LONRF1: variants seen among roughly 807,000 people sequenced by gnomAD.
LONRF1 encodes the protein LON peptidase N-terminal domain and RING finger protein 1.
In LONRF1, 37 loss-of-function variants were observed where a neutral mutation model predicts 85.8. The observed-to-expected ratio is 0.43, with a 90% CI of 0.33 to 0.57. The LOEUF (loss-of-function observed/expected upper bound fraction) is 0.57. Ranked by LOEUF, LONRF1 falls within the 20% of genes least tolerant of loss-of-function variation. The pLI is 0.04. For missense variants in LONRF1, 1,036 were observed against 978.0 expected, an observed-to-expected ratio of 1.06 and a Z score of -0.79; for synonymous variants, 517 against 390.1, an observed-to-expected ratio of 1.33 and a Z score of -3.83.
chr8:12,742,372 G>T (rs1405519357), intron 2 of LONRF1, among the ~76,000 whole-genome samples: 1 of 152,150 alleles, frequency 6.6e-6, no homozygotes, highest in Non-Finnish European at 1.5e-5. Context: ...TGATAAAAAG[G>T]AGAATCTGTA....
In LONRF1 at chr8:12,755,157, G is replaced by A. The variant is rs369543401; in HGVS notation, c.264C>T (p.Ala88=). Reference sequence around the variant, plus strand: ...AGTTGAACACCAGGCAGTCCACCAGGGCGCCCAGGCACTCGGGCCTGGCCG... The same window carrying A: ...AGTTGAACACCAGGCAGTCCACCAGAGCGCCCAGGCACTCGGGCCTGGCCG... ...GAPARPECLG[A]LVDCLVFNYR... The change falls in exon 1 of 12, where the codon GCC becomes GCT. Residue 88 remains alanine (A), a synonymous_variant. Transcript: ENST00000398246. The A allele has an allele frequency of 4.4e-3, 6,186 of 1,421,624 alleles. 130 individuals carry two copies. In the South Asian group the frequency reaches 0.048, roughly 11 times the overall value. 88.1% of individuals were successfully genotyped at this position (1,421,624 alleles called of 1,614,324 possible).
rs1201959724 is a variant in LONRF1 at position 12,735,433 on chromosome 8, C to T, written c.1452-33G>A. On this transcript the variant is annotated intron_variant, in intron 6 of 11. Coordinates refer to ENST00000398246, the MANE Select transcript of LONRF1 (RefSeq NM_152271.5). ...CAACCAAGATACATGTTAGTTTTCA[C>T]ATTAAACTATCCACTGAAAAGCTTG... 4 of 1,344,056 alleles carry T rather than the reference C, an allele frequency of 3.0e-6. No individual in the cohort carries two copies. The South Asian group carries it at 3.7e-5, about 12-fold the overall frequency. The allele number at this position is 1,344,056 out of a possible 1,614,324, so 83.3% of individuals were successfully genotyped here.
intron 8 of LONRF1, among the ~76,000 whole-genome samples, chr8:12,730,349 C>A (rs896451864): frequency 1.3e-5 from 2 of 152,070 alleles, no homozygotes; most frequent in Non-Finnish European, 2.9e-5. Context: ...TGCCAAAATG[C>A]CAATAGTTGA....
In LONRF1 at chr8:12,734,321, G is replaced by A. The variant is rs1798638841; in HGVS notation, c.1566+965C>T. On this transcript the variant is annotated intron_variant, in intron 7 of 11. Transcript: ENST00000398246. ...AATGTAATAACAGACATGCTATTAT[G>A]ACATCCGTACTGAGTTGTTTTCTAT... is the stretch of plus-strand genomic sequence containing the variant. Among the ~76,000 whole-genome samples the A allele has an allele frequency of 7.9e-5, 12 of 152,244 alleles. No individual in the cohort carries two copies. In the South Asian group the frequency reaches 2.3e-3, roughly 29 times the overall value.
intron 11 of LONRF1, among the ~76,000 whole-genome samples, chr8:12,723,615 A>C (rs922399299): frequency 6.6e-6 from 1 of 152,218 alleles, no homozygotes; most frequent in Non-Finnish European, 1.5e-5. Context: ...TATGCACTAG[A>C]GCACATTCAG....
At chr8:12,751,150 C>G (rs561020841) in intron 1 of LONRF1, among the ~76,000 whole-genome samples, 1 of 152,236 alleles carries the variant, frequency 6.6e-6, no homozygotes, top group Admixed American at 6.5e-5. Flanking sequence ...CTAAGCCACA[C>G]TGCATGTCTA....
At chr8:12,730,621 T>A (rs1798492330) in intron 8 of LONRF1, among the ~76,000 whole-genome samples, 1 of 152,226 alleles carries the variant, frequency 6.6e-6, no homozygotes, top group African/African-American at 2.4e-5. Context: ...TCACCATGTT[T>A]AAATTTTCAA....
chr8:12,735,619 C>A, intron 6 of LONRF1: 1 of 515,532 alleles, frequency 1.9e-6, no homozygotes, highest in Non-Finnish European at 3.5e-6. Flanking sequence ...GGCCTAGAGC[C>A]AAGGGCCTAG....
chr8:12,746,841 G>C (rs897930534), intron 1 of LONRF1, among the ~76,000 whole-genome samples: 3 of 152,084 alleles, frequency 2.0e-5, no homozygotes, highest in African/African-American at 7.2e-5. Flanking sequence ...TTACCTCCAT[G>C]CTATTAATAT....
intron 1 of LONRF1, among the ~76,000 whole-genome samples, chr8:12,746,210 G>C (rs939599048): frequency 6.6e-6 from 1 of 152,020 alleles, no homozygotes; most frequent in Non-Finnish European, 1.5e-5. Context: ...CCTGCCTTCA[G>C]TTCTACTCTA....
intron 1 of LONRF1, 42 bp downstream of exon 1, chr8:12,754,657 AG>A: frequency 1.0e-5 from 13 of 1,293,692 alleles, no homozygotes; most frequent in Non-Finnish European, 1.3e-5. Flanking sequence ...CGGGGCCAGG[AG>A]GGTGCGGTCG....
Position 12,722,466 on chromosome 8 carries a change from A to C in LONRF1, c.*630T>G, listed in dbSNP as rs985593043. On this transcript the variant is annotated 3_prime_UTR_variant, in exon 12 of 12. Coordinates refer to ENST00000398246, the MANE Select transcript of LONRF1 (RefSeq NM_152271.5). ...GTTCTGCATCCAATGCCTGTCGGCC[A>C]CTGTGATGCAAGTATTTACATAAAT... 6.5e-6 allele frequency: 1 copy of C among 152,682 alleles called. No individual in the cohort carries two copies. Among genetic ancestry groups the C allele is most frequent in the Non-Finnish European group, 1.5e-5 (1 of 68,056 alleles). 9.5% of individuals were successfully genotyped at this position (152,682 alleles called of 1,614,324 possible).
chr8:12,746,146 G>C (rs1799144144), intron 1 of LONRF1, among the ~76,000 whole-genome samples: 1 of 151,982 alleles, frequency 6.6e-6, no homozygotes, highest in Non-Finnish European at 1.5e-5. Flanking sequence ...TAGTAATCCT[G>C]GGTTAGGCTC....
intron 1 of LONRF1, among the ~76,000 whole-genome samples, chr8:12,749,463 G>A (rs760304458): frequency 3.3e-5 from 5 of 152,102 alleles, no homozygotes; most frequent in Non-Finnish European, 5.9e-5. Context: ...TTGGAAAGAG[G>A]CAGAACACTA....
chr8:12,755,167 C>G lies in LONRF1; in HGVS notation c.254G>C (p.Cys85Ser). Reference sequence around the variant, plus strand: ...CAGGCAGTCCACCAGGGCGCCCAGGCACTCGGGCCTGGCCGGGGCCCCGCG... The same window carrying G: ...CAGGCAGTCCACCAGGGCGCCCAGGGACTCGGGCCTGGCCGGGGCCCCGCG... The part of the protein sequence containing the change: ...LRRGAPARPE[C>S]LGALVDCLVF... Residue 85 changes from cysteine to serine, a missense_variant, in exon 1 of 12, where the codon TGC becomes TCC. Coordinates refer to ENST00000398246, the MANE Select transcript of LONRF1 (RefSeq NM_152271.5). 1 of 1,405,768 alleles carries G rather than the reference C, an allele frequency of 7.1e-7. No individual in the cohort carries two copies. Among genetic ancestry groups the G allele is most frequent in the African/African-American group, 1.5e-5 (1 of 66,800 alleles). The allele number at this position is 1,405,768 out of a possible 1,614,324, so 87.1% of individuals were successfully genotyped here. A position where few individuals can be genotyped will look rare whatever the true frequency, so the allele number is the denominator to read the frequency against.
At chr8:12,752,302 C>A (rs757753178) in intron 1 of LONRF1, among the ~76,000 whole-genome samples, 6 of 152,190 alleles carry the variant, frequency 3.9e-5, no homozygotes, top group Non-Finnish European at 8.8e-5. Context: ...TATGACTGTA[C>A]TAGTTAACAT....
intron 1 of LONRF1, among the ~76,000 whole-genome samples, chr8:12,744,121 C>T (rs1047303068): frequency 3.9e-5 from 6 of 152,086 alleles, no homozygotes; most frequent in African/African-American, 1.4e-4. Flanking sequence ...TTAAAGCTAT[C>T]TTTGAGATCT....
At chr8:12,725,646 C>T in intron 11 of LONRF1, 81 bp downstream of exon 11, 3 of 1,397,622 alleles carry the variant, frequency 2.1e-6, no homozygotes, top group Non-Finnish European at 2.0e-6. Flanking sequence ...GCAGAAAGGA[C>T]AATGAGAAAA....
rs1326000131 is a variant in LONRF1, at chr8:12,723,193, C to T, written c.2225G>A (p.Arg742Gln). The change falls in exon 12 of 12, where the codon CGA becomes CAA. Residue 742 changes from arginine to glutamine, a missense_variant. Physicochemically the swap from Arg to Gln is conservative, Grantham distance 43. This residue lies in a region of LONRF1 where 265 missense variants were observed against 301.5 expected (regional missense o/e 0.88). Transcript: ENST00000398246. ...WLLAVLPVDPRYQLSVLSMKS... is the reference protein window; with the variant it reads ...WLLAVLPVDPQYQLSVLSMKS... ...CATTGACAAAACCGACAGCTGGTATCGTGGGTCTACAGGGAGAACTGCAAG... is the reference window on the plus strand; with the variant it reads ...CATTGACAAAACCGACAGCTGGTATTGTGGGTCTACAGGGAGAACTGCAAG... 4 of 1,614,110 alleles carry T rather than the reference C, an allele frequency of 2.5e-6. No homozygotes were observed. The highest frequency in any genetic ancestry group is 1.6e-4 in the Middle Eastern group (1 of 6,062).
Sources: allele counts gnomAD v4.1 joint callset (sites outside exome capture counted in the v4.1 genomes callset), GRCh38; gene constraint gnomAD v4.1.1; regional missense constraint gnomAD v4.1.1; transcripts MANE v1.5; gene names NCBI Gene and HGNC (gene_info 2026-07-23, HGNC 2026-07-21).